TMEM163: variants seen among roughly 807,000 people sequenced by gnomAD.
The protein encoded by TMEM163 is transmembrane protein 163.
Under a neutral mutation model 29.3 loss-of-function variants are expected in TMEM163, and 17 were observed. The observed-to-expected ratio is 0.58, with a 90% confidence interval of 0.40 to 0.87. TMEM163 has a LOEUF of 0.87. Among genes scored for constraint, TMEM163 ranks in the 40% least tolerant of loss-of-function variants. TMEM163 has a pLI of 0.00. For synonymous variants in TMEM163, 157 were observed against 160.6 expected (o/e 0.98, Z 0.17); for missense variants, 303 against 381.5 (o/e 0.79, Z 1.71).
intron 2 of TMEM163, among the ~76,000 whole-genome samples, chr2:134,686,323 G>A (rs992446710): frequency 3.3e-5 from 5 of 152,218 alleles, no homozygotes; most frequent in Non-Finnish European, 7.3e-5. Flanking sequence ...ATGAATATGG[G>A]TTGCGAAGCC....
intron 4 of TMEM163, among the ~76,000 whole-genome samples, chr2:134,519,596 C>T (rs1558931542): frequency 6.6e-6 from 1 of 152,030 alleles, no homozygotes; most frequent in Non-Finnish European, 1.5e-5. Flanking sequence ...CCTGTAGTCG[C>T]AGCTACTCGG....
intron 4 of TMEM163, among the ~76,000 whole-genome samples, chr2:134,533,348 T>A (rs1680455048): frequency 6.6e-6 from 1 of 152,170 alleles, no homozygotes; most frequent in South Asian, 2.1e-4. Context: ...CACCTAGTTG[T>A]GTGTTTGTGT....
intron 6 of TMEM163, among the ~76,000 whole-genome samples, chr2:134,465,549 C>G (rs777596835): frequency 6.6e-6 from 1 of 152,214 alleles, no homozygotes; most frequent in African/African-American, 2.4e-5. Flanking sequence ...TCACACACCC[C>G]TCTCTGTCAT....
chr2:134,686,608 T>C (rs961083453), intron 2 of TMEM163, among the ~76,000 whole-genome samples: 8 of 152,210 alleles, frequency 5.3e-5, no homozygotes, highest in Non-Finnish European at 8.8e-5. Flanking sequence ...CATAGCATGC[T>C]ACTCGGCTCA....
intron 2 of TMEM163, among the ~76,000 whole-genome samples, chr2:134,652,131 T>C (rs1169990843): frequency 1.5e-5 from 2 of 136,024 alleles, no homozygotes; most frequent in South Asian, 2.4e-4. Flanking sequence ...TAAATTACCT[T>C]GGGCAGTATG....
At chr2:134,602,750 C>T (rs1217373116) in intron 2 of TMEM163, among the ~76,000 whole-genome samples, 1 of 152,138 alleles carries the variant, frequency 6.6e-6, no homozygotes, top group Non-Finnish European at 1.5e-5. Context: ...ATTCCCTCCT[C>T]TCCTCCTTGA....
At chr2:134,505,781 C>T (rs1379137320) in intron 4 of TMEM163, among the ~76,000 whole-genome samples, 2 of 152,188 alleles carry the variant, frequency 1.3e-5, no homozygotes, top group East Asian at 1.9e-4. Flanking sequence ...GATATGGATT[C>T]TGTTTACATT....
At chr2:134,471,317 A>C (rs923753935) in intron 5 of TMEM163, among the ~76,000 whole-genome samples, 3 of 152,234 alleles carry the variant, frequency 2.0e-5, no homozygotes, top group African/African-American at 7.2e-5. Flanking sequence ...AGATTAGGTC[A>C]TAGGGGGACC....
chr2:134,610,937 C>T (rs973774705), intron 2 of TMEM163, among the ~76,000 whole-genome samples: 10 of 152,128 alleles, frequency 6.6e-5, no homozygotes, highest in Admixed American at 6.5e-4. Context: ...CTATGATTCT[C>T]ACTCCCAAAC....
At chr2:134,469,635 C>T (rs1237294030) in intron 5 of TMEM163, 2 of 54,198 alleles carry the variant, frequency 3.7e-5, no homozygotes, top group Non-Finnish European at 6.1e-5. Flanking sequence ...GCACATTCTG[C>T]ATTCTGTGGC....
intron 2 of TMEM163, among the ~76,000 whole-genome samples, chr2:134,633,670 G>A (rs919379938): frequency 6.6e-6 from 1 of 151,994 alleles, no homozygotes; most frequent in African/African-American, 2.4e-5. Context: ...CTTAAAATAT[G>A]CCTGGTTTAG....
chr2:134,599,783 T>C (rs1319195257), intron 2 of TMEM163, among the ~76,000 whole-genome samples: 1 of 151,414 alleles, frequency 6.6e-6, no homozygotes, highest in Non-Finnish European at 1.5e-5. Context: ...TCCACCCACC[T>C]TGGCCTCCCA....
At chr2:134,594,280 G>A (rs1372096715) in intron 2 of TMEM163, among the ~76,000 whole-genome samples, 1 of 151,430 alleles carries the variant, frequency 6.6e-6, no homozygotes, top group Non-Finnish European at 1.5e-5. Flanking sequence ...GACAGAGAGA[G>A]GGGGTGGGAA....
At chr2:134,612,542 AACAC>A (rs3039625) in intron 2 of TMEM163, among the ~76,000 whole-genome samples, 8 of 140,658 alleles carry the variant, frequency 5.7e-5, no homozygotes, top group East Asian at 2.1e-4. Context: ...GGTTTGCCCC[AACAC>A]ACACACACAC....
At chr2:134,518,658 T>C (rs934248828) in intron 4 of TMEM163, among the ~76,000 whole-genome samples, 3 of 152,058 alleles carry the variant, frequency 2.0e-5, no homozygotes, top group Non-Finnish European at 2.9e-5. Flanking sequence ...TCTAGCACGG[T>C]CCCAATTCAG....
At chr2:134,710,451 A>G (rs1406228602) in intron 2 of TMEM163, among the ~76,000 whole-genome samples, 1 of 152,174 alleles carries the variant, frequency 6.6e-6, no homozygotes, top group African/African-American at 2.4e-5. Context: ...GGAGGTGAAG[A>G]CAGGAACTCC....
chr2:134,586,987 G>C (rs993097735), intron 2 of TMEM163, among the ~76,000 whole-genome samples: 5 of 152,076 alleles, frequency 3.3e-5, no homozygotes, highest in African/African-American at 1.2e-4. Flanking sequence ...ATGAGAAGGG[G>C]AAACAGGGGT....
chr2:134,665,672 A>G (rs1683858273), intron 2 of TMEM163, among the ~76,000 whole-genome samples: 1 of 152,020 alleles, frequency 6.6e-6, no homozygotes, highest in Admixed American at 6.6e-5. Flanking sequence ...ACTTTAACTC[A>G]TACAGTGGGA....
intron 2 of TMEM163, among the ~76,000 whole-genome samples, chr2:134,700,199 A>T (rs1361408490): frequency 6.6e-6 from 1 of 152,106 alleles, no homozygotes; most frequent in Admixed American, 6.6e-5. Flanking sequence ...TGATTAAGGG[A>T]AGTTTCCTAA....
Sources: allele counts gnomAD v4.1 joint callset (sites outside exome capture counted in the v4.1 genomes callset), GRCh38; gene constraint gnomAD v4.1.1; transcripts MANE v1.5; gene names NCBI Gene and HGNC (gene_info 2026-07-23, HGNC 2026-07-21).